The following GRIA1 variants were observed in gnomAD, a reference collection of about 807,000 sequenced individuals.
The protein encoded by GRIA1 is glutamate ionotropic receptor AMPA type subunit 1, also known as glutamate receptor 1.
A neutral mutation model predicts 99.2 loss-of-function variants in GRIA1; 31 were observed. That is an observed-to-expected ratio of 0.31 (90% CI 0.23 to 0.42). GRIA1 has a LOEUF of 0.42. Among genes scored for constraint, GRIA1 ranks in the 10% least tolerant of loss-of-function variants. GRIA1 has a pLI of 1.00. For missense variants in GRIA1, 782 were observed against 1,157.5 expected (o/e 0.68, Z 4.71); for synonymous variants, 438 against 432.4 (o/e 1.01, Z -0.16).
Position 153,705,109 on chromosome 5 carries a change from T to C in GRIA1, c.1453-588T>C, listed in dbSNP as rs572567300. On this transcript the variant is annotated intron_variant, in intron 10 of 15. Transcript: ENST00000285900. ...TCTGTGTCAATACAGAGGGATGTAT[T>C]GACACAGATTCTGAGGGAATCCAGG... Among the ~76,000 whole-genome samples the C allele has an allele frequency of 1.2e-3, 177 of 152,310 alleles. 5 individuals carry two copies. The South Asian group carries it at 0.036, about 31-fold the overall frequency.
chr5:153,493,351 C>A (rs1312509758), intron 1 of GRIA1, among the ~76,000 whole-genome samples: 3 of 152,142 alleles, frequency 2.0e-5, no homozygotes, highest in African/African-American at 7.2e-5. Context: ...GAATAATAAA[C>A]CTTAGGGGCA....
intron 2 of GRIA1, among the ~76,000 whole-genome samples, chr5:153,505,190 C>T (rs1295918834): frequency 2.0e-5 from 3 of 152,156 alleles, no homozygotes; most frequent in African/African-American, 7.2e-5. Flanking sequence ...AAGACTAACA[C>T]TGATGAGGCA....
intron 2 of GRIA1, among the ~76,000 whole-genome samples, chr5:153,553,215 T>G (rs1760312065): frequency 6.6e-6 from 1 of 152,220 alleles, no homozygotes; most frequent in African/African-American, 2.4e-5. Context: ...TATTTCACCC[T>G]GGTGATGCTC....
chr5:153,756,290 T>C (rs2149596518), intron 11 of GRIA1, among the ~76,000 whole-genome samples: 1 of 151,922 alleles, frequency 6.6e-6, no homozygotes, highest in East Asian at 1.9e-4. Flanking sequence ...GTTGGGAAAC[T>C]CCCCCACCCA....
chr5:153,505,148 T>C (rs939058357), intron 2 of GRIA1, among the ~76,000 whole-genome samples: 1 of 152,186 alleles, frequency 6.6e-6, no homozygotes, highest in Admixed American at 6.5e-5. Context: ...TTCTTTTACA[T>C]AGGTCATGGA....
chr5:153,797,527 C>G (rs1765724688), intron 14 of GRIA1, among the ~76,000 whole-genome samples: 5 of 152,212 alleles, frequency 3.3e-5, no homozygotes, highest in Admixed American at 3.3e-4. Context: ...ATAGTCCAAG[C>G]ACATATTCAA....
rs1019978399 is a variant in GRIA1, at chr5:153,629,851, G to A, written c.221-17077G>A. Among the ~76,000 whole-genome samples, 15 of 152,016 alleles carry A rather than the reference G, an allele frequency of 9.9e-5. No homozygotes were observed. The East Asian group carries it at 1.2e-3, about 12-fold the overall frequency. On this transcript the variant is annotated intron_variant, in intron 2 of 15. Coordinates refer to ENST00000285900, the MANE Select transcript of GRIA1 (RefSeq NM_000827.4). ...GTGGCTCATAAGTGTGTCTTTCATCGCATTGGAATGACCCTCTTAGAGGCA... is the reference window on the plus strand; with the variant it reads ...GTGGCTCATAAGTGTGTCTTTCATCACATTGGAATGACCCTCTTAGAGGCA...
intron 8 of GRIA1, among the ~76,000 whole-genome samples, chr5:153,688,069 A>G (rs1757461339): frequency 6.6e-6 from 1 of 152,136 alleles, no homozygotes; most frequent in Non-Finnish European, 1.5e-5. Flanking sequence ...AGCTTTCTCC[A>G]TATTCAAAAC....
At chr5:153,703,869 T>A (rs567485970) in intron 10 of GRIA1, among the ~76,000 whole-genome samples, 16 of 152,332 alleles carry the variant, frequency 1.1e-4, no homozygotes, top group African/African-American at 3.4e-4. Context: ...CCACCTCCCT[T>A]CCGGATAACT....
intron 2 of GRIA1, among the ~76,000 whole-genome samples, chr5:153,626,037 G>A (rs1486645238): frequency 1.3e-5 from 2 of 152,190 alleles, no homozygotes; most frequent in Non-Finnish European, 2.9e-5. Flanking sequence ...CCTGGAGGGA[G>A]GGAGACCTGA....
chr5:153,745,971 C>T lies in GRIA1; in HGVS notation c.1824-18463C>T, dbSNP rs146060821. Among the ~76,000 whole-genome samples the T allele has an allele frequency of 8.2e-3, 1,250 of 152,324 alleles. 7 individuals carry two copies. Among genetic ancestry groups the T allele is most frequent in the Middle Eastern group, 0.014 (4 of 294 alleles). ...AAGCACATTGTGCTTGTCCTCACGACAGCCCTTTTAGGTTGTTCCTGTTCT... is the reference window on the plus strand; with the variant it reads ...AAGCACATTGTGCTTGTCCTCACGATAGCCCTTTTAGGTTGTTCCTGTTCT... On this transcript the variant is annotated intron_variant, in intron 11 of 15. Transcript: ENST00000285900.
At chr5:153,619,758 C>T (rs578173457) in intron 2 of GRIA1, among the ~76,000 whole-genome samples, 9 of 152,188 alleles carry the variant, frequency 5.9e-5, no homozygotes, top group African/African-American at 1.7e-4. Context: ...CTACTACAAC[C>T]GTTTGGCCTT....
intron 2 of GRIA1, among the ~76,000 whole-genome samples, chr5:153,509,040 C>G (rs768718643): frequency 6.6e-6 from 1 of 152,160 alleles, no homozygotes; most frequent in Non-Finnish European, 1.5e-5. Context: ...CTCTAATATT[C>G]CATTGGTTCA....
chr5:153,500,189 G>A (rs371433595), intron 2 of GRIA1, among the ~76,000 whole-genome samples: 36 of 152,312 alleles, frequency 2.4e-4, no homozygotes, highest in African/African-American at 8.2e-4. Context: ...CTGCTGGGAT[G>A]AGTGAGCTTA....
chr5:153,762,190 T>TA (rs1047884425), intron 11 of GRIA1, among the ~76,000 whole-genome samples: 1 of 152,250 alleles, frequency 6.6e-6, no homozygotes, highest in Non-Finnish European at 1.5e-5. Flanking sequence ...AAATAAATGA[T>TA]AAATGTTTGA....
rs542159636 is a variant in GRIA1, at chr5:153,566,369, C to T, written c.220+72304C>T. Among the ~76,000 whole-genome samples, 92 of 123,466 alleles carry T rather than the reference C, an allele frequency of 7.5e-4. 1 individual carries two copies. The highest frequency in any genetic ancestry group is 2.7e-3 in the African/African-American group (89 of 33,076). The allele number at this position is 123,466 out of a possible 152,430, so 81.0% of individuals were successfully genotyped here. ...TCACCCAGGCTGCAGTGGAGTGGTG[C>T]GATCTTGGCTCACTGCAACCTCCGC... On this transcript the variant is annotated intron_variant, in intron 2 of 15. Transcript: ENST00000285900.
At chr5:153,534,738 T>C (rs999541771) in intron 2 of GRIA1, among the ~76,000 whole-genome samples, 1 of 152,168 alleles carries the variant, frequency 6.6e-6, no homozygotes, top group African/African-American at 2.4e-5. Flanking sequence ...TGGCCATCTA[T>C]GAAGTTGGAT....
At chr5:153,547,864 A>G (rs1759750564) in intron 2 of GRIA1, among the ~76,000 whole-genome samples, 1 of 152,150 alleles carries the variant, frequency 6.6e-6, no homozygotes, top group Non-Finnish European at 1.5e-5. Flanking sequence ...GGTCTGAGAG[A>G]CACTGAATCA....
At chr5:153,600,956 T>C (rs1187330251) in intron 2 of GRIA1, among the ~76,000 whole-genome samples, 3 of 152,142 alleles carry the variant, frequency 2.0e-5, no homozygotes, top group African/African-American at 7.2e-5. Flanking sequence ...ATGAGGAAGG[T>C]GGAAGTCTGA....
Sources: allele counts gnomAD v4.1 joint callset (sites outside exome capture counted in the v4.1 genomes callset), GRCh38; gene constraint gnomAD v4.1.1; transcripts MANE v1.5; gene names NCBI Gene and HGNC (gene_info 2026-07-23, HGNC 2026-07-21).